Variants in ZFHX3 observed in about 807,000 individuals in gnomAD.
The protein encoded by ZFHX3 is zinc finger homeobox protein 3.
ZFHX3 carries 42 observed loss-of-function variants against 279.1 expected under a neutral mutation model. The observed-to-expected ratio is 0.15, with a 90% CI of 0.12 to 0.19. The LOEUF (loss-of-function observed/expected upper bound fraction) is 0.19. ZFHX3 is among the 10% of genes least tolerant of loss of function. The probability of loss-of-function intolerance (pLI) is 1.00; values close to 1 mark genes in which losing one functional copy is unlikely to be tolerated. For missense variants in ZFHX3, 4,981 were observed against 4,754.0 expected (o/e 1.05, Z -1.40); for synonymous variants, 2,293 against 1,957.8 (o/e 1.17, Z -4.52).
chr16:73,451,087 G>A (rs1039322796), intron 3 of ZFHX3, among the ~76,000 whole-genome samples: 2 of 152,134 alleles, frequency 1.3e-5, no homozygotes, highest in African/African-American at 4.8e-5. Context: ...AGGCTCTCAT[G>A]AGGCCACAGG....
intron 5 of ZFHX3, among the ~76,000 whole-genome samples, chr16:73,183,466 G>A (rs1265238197): frequency 6.6e-6 from 1 of 152,222 alleles, no homozygotes; most frequent in Non-Finnish European, 1.5e-5. Context: ...CTGGATTACT[G>A]TAAAGTGAGG....
At chr16:73,325,928 A>AAACACACAC (rs368062772) in intron 3 of ZFHX3, among the ~76,000 whole-genome samples, 4 of 145,492 alleles carry the variant, frequency 2.7e-5, no homozygotes, top group Non-Finnish European at 6.0e-5. Context: ...CACACACACA[A>AAACACACAC]ACACACACAC....
chr16:73,668,268 T>A (rs2199898), intron 2 of ZFHX3, among the ~76,000 whole-genome samples: 1 of 152,150 alleles, frequency 6.6e-6, no homozygotes, highest in African/African-American at 2.4e-5. Context: ...ACCTAGACAG[T>A]AAATGCACAT....
chr16:72,877,621 C>A (rs867314939), intron 4 of ZFHX3, among the ~76,000 whole-genome samples: 2 of 152,190 alleles, frequency 1.3e-5, no homozygotes, highest in Non-Finnish European at 2.9e-5. Flanking sequence ...GGACAAAAGT[C>A]TTTCCTGTGT....
At chr16:72,987,532 T>C (rs1378528761) in intron 1 of ZFHX3, among the ~76,000 whole-genome samples, 5 of 152,190 alleles carry the variant, frequency 3.3e-5, no homozygotes, top group East Asian at 1.9e-4. Flanking sequence ...TGGGAGGTCA[T>C]TGCCCCCACA....
At chr16:73,799,039 C>T (rs990130840) in intron 1 of ZFHX3, among the ~76,000 whole-genome samples, 3 of 152,116 alleles carry the variant, frequency 2.0e-5, no homozygotes, top group Admixed American at 1.3e-4. Context: ...AAAGCTGCCC[C>T]GAACCTGATG....
intron 1 of ZFHX3, among the ~76,000 whole-genome samples, chr16:73,685,028 T>TA (rs35609010): frequency 0.089 from 13,143 of 148,030 alleles, 803 homozygotes; most frequent in Non-Finnish European, 0.13. Flanking sequence ...TATTATTATT[T>TA]TTTTTGAGAC....
intron 4 of ZFHX3, among the ~76,000 whole-genome samples, chr16:72,830,065 T>C (rs535155585): frequency 1.3e-5 from 2 of 152,154 alleles, no homozygotes; most frequent in South Asian, 4.2e-4. Flanking sequence ...GGGTAAACAG[T>C]TGGTATGAGG....
At chr16:73,425,478 C>A (rs535893433) in intron 3 of ZFHX3, among the ~76,000 whole-genome samples, 3 of 152,260 alleles carry the variant, frequency 2.0e-5, no homozygotes, top group South Asian at 4.1e-4. Context: ...GATGAAAATA[C>A]TAAGGATCCA....
chr16:73,368,073 G>A (rs548433185), intron 3 of ZFHX3, among the ~76,000 whole-genome samples: 5 of 152,092 alleles, frequency 3.3e-5, no homozygotes, highest in South Asian at 2.1e-4. Flanking sequence ...GTTTCACCAC[G>A]TTGGCCAGGC....
At chr16:73,580,817 T>A (rs2051853708) in intron 2 of ZFHX3, among the ~76,000 whole-genome samples, 1 of 151,890 alleles carries the variant, frequency 6.6e-6, no homozygotes, top group Admixed American at 6.5e-5. Flanking sequence ...TCCCATTTAT[T>A]GCCTATAGGA....
chr16:73,163,065 A>G (rs1172621635), intron 5 of ZFHX3, among the ~76,000 whole-genome samples: 1 of 152,190 alleles, frequency 6.6e-6, no homozygotes, highest in Non-Finnish European at 1.5e-5. Flanking sequence ...TTTTTCCTGT[A>G]CTGATGTCTT....
chr16:73,490,474 A>G (rs776246969), intron 2 of ZFHX3, among the ~76,000 whole-genome samples: 59 of 152,372 alleles, frequency 3.9e-4, no homozygotes, highest in Non-Finnish European at 5.6e-4. Flanking sequence ...TGAAATAAAA[A>G]TTGAATTGCT....
chr16:73,315,949 A>G (rs917736408), intron 4 of ZFHX3, among the ~76,000 whole-genome samples: 3 of 152,084 alleles, frequency 2.0e-5, no homozygotes, highest in Non-Finnish European at 4.4e-5. Context: ...GATACACAAG[A>G]CGCATACCCA....
intron 5 of ZFHX3, among the ~76,000 whole-genome samples, chr16:73,184,017 G>A (rs1316378627): frequency 6.6e-6 from 1 of 152,172 alleles, no homozygotes; most frequent in African/African-American, 2.4e-5. Flanking sequence ...CAGGGATGCG[G>A]ACCATGTGTC....
chr16:73,546,861 A>G (rs2020123792), intron 2 of ZFHX3, among the ~76,000 whole-genome samples: 1 of 152,004 alleles, frequency 6.6e-6, no homozygotes. Flanking sequence ...ACTGTGATTC[A>G]CATGTTTTAT....
At chr16:73,012,064 A>T (rs757434750) in intron 1 of ZFHX3, among the ~76,000 whole-genome samples, 1 of 152,230 alleles carries the variant, frequency 6.6e-6, no homozygotes, top group African/African-American at 2.4e-5. Flanking sequence ...CATTACAGTC[A>T]AATGTCACAG....
intron 1 of ZFHX3, among the ~76,000 whole-genome samples, chr16:73,772,572 C>T (rs1279784100): frequency 2.0e-5 from 3 of 152,120 alleles, no homozygotes; most frequent in African/African-American, 7.2e-5. Flanking sequence ...TACTTTCTGC[C>T]GTAGGTGTCT....
At chr16:73,129,531 C>G (rs536678838) in intron 7 of ZFHX3, among the ~76,000 whole-genome samples, 137 of 152,064 alleles carry the variant, frequency 9.0e-4, no homozygotes, top group Non-Finnish European at 1.3e-3. Flanking sequence ...TCTTTGCCCT[C>G]TGCTTGTCAA....
Sources: allele counts gnomAD v4.1 joint callset (sites outside exome capture counted in the v4.1 genomes callset), GRCh38; gene constraint gnomAD v4.1.1; transcripts MANE v1.5; gene names NCBI Gene and HGNC (gene_info 2026-07-23, HGNC 2026-07-21).